The following OTP variants were observed in gnomAD, a reference collection of about 807,000 sequenced individuals.
OTP encodes the protein orthopedia homeobox, also known as homeobox protein orthopedia.
Under a neutral mutation model 22.3 loss-of-function variants are expected in OTP, and 5 were observed. The ratio of observed to expected loss-of-function variants is 0.22; its 90% CI spans 0.12 to 0.47. OTP has a LOEUF of 0.47. Among genes scored for constraint, OTP ranks in the 20% least tolerant of loss-of-function variants. OTP has a pLI of 0.99. For missense variants in OTP, 428 were observed against 456.2 expected, an observed-to-expected ratio of 0.94 and a Z score of 0.56; for synonymous variants, 229 against 210.6, an observed-to-expected ratio of 1.09 and a Z score of -0.76.
chr5:77,638,375 C>A, intron 1 of OTP, 138 bp downstream of exon 1: 1 of 822,580 alleles, frequency 1.2e-6, no homozygotes, highest in South Asian at 1.6e-5. Flanking sequence ...GATGTTAAAT[C>A]AAATTAAACT....
chr5:77,630,128 G>A lies in OTP; in HGVS notation c.*136C>T. 1 of 414,192 alleles carries A rather than the reference G, an allele frequency of 2.4e-6. No homozygotes were observed. Among genetic ancestry groups the A allele is most frequent in the East Asian group, 5.0e-5 (1 of 19,862 alleles). The allele number at this position is 414,192 out of a possible 1,614,324, so 25.7% of individuals were successfully genotyped here. ...TGAGCCCGAGCGAGTGGAGGAGAGA[G>A]GCGAGGACGAAACGAGACGGGGCGA... On this transcript the variant is annotated 3_prime_UTR_variant, in exon 3 of 3. Coordinates refer to ENST00000306422, the MANE Select transcript of OTP (RefSeq NM_032109.3).
At chr5:77,635,648 C>T (rs559787737) in intron 2 of OTP, among the ~76,000 whole-genome samples, 14 of 152,328 alleles carry the variant, frequency 9.2e-5, no homozygotes, top group Non-Finnish European at 1.5e-4. Flanking sequence ...CGGACGTTCT[C>T]ATTGCTTACT....
intron 2 of OTP, among the ~76,000 whole-genome samples, chr5:77,633,993 G>A (rs1465930950): frequency 3.9e-5 from 6 of 151,980 alleles, no homozygotes; most frequent in African/African-American, 1.5e-4. Context: ...TAGAAAACTA[G>A]AAAATACTCT....
In OTP at chr5:77,636,928, C is replaced by T; in HGVS notation, c.340G>A (p.Ala114Thr). 1 of 1,614,202 alleles carries T rather than the reference C, an allele frequency of 6.2e-7. No homozygotes were observed. The highest frequency in any genetic ancestry group is 1.1e-5 in the South Asian group (1 of 91,088). The change falls in exon 2 of 3, where the codon GCA (alanine) becomes ACA (threonine). Residue 114 changes from alanine to threonine, a missense_variant. By Grantham distance (58) the Ala-to-Thr change is moderately conservative. Coordinates refer to ENST00000306422, the MANE Select transcript of OTP (RefSeq NM_032109.3). ...QKRHRTRFTP[A>T]QLNELERSFA... ...CTCCTCTCCAACTCGTTGAGCTGTGCGGGGGTGAAGCGCGTCCGGTGGCGC... is the reference window on the plus strand; with the variant it reads ...CTCCTCTCCAACTCGTTGAGCTGTGTGGGGGTGAAGCGCGTCCGGTGGCGC...
chr5:77,638,460 C>T, intron 1 of OTP, 53 bp downstream of exon 1: 1 of 1,539,108 alleles, frequency 6.5e-7, no homozygotes, highest in East Asian at 2.4e-5. Flanking sequence ...AACAAATTGA[C>T]AATTTCCTGC....
chr5:77,630,193 G>T lies in OTP; in HGVS notation c.*71C>A. 1.9e-6 allele frequency: 2 copies of T among 1,078,696 alleles called. No individual in the cohort carries two copies. The highest frequency in any genetic ancestry group is 2.4e-6 in the Non-Finnish European group (2 of 836,232). The allele number at this position is 1,078,696 out of a possible 1,614,324, so 66.8% of individuals were successfully genotyped here. ...CGGGGCAGGGCGCCGGGGTCCGGGT[G>T]CGCGCCGGAAGGGCCTCGGGGCGGC... On this transcript the variant is annotated 3_prime_UTR_variant, in exon 3 of 3. Transcript: ENST00000306422.
At chr5:77,637,366 G>A in intron 1 of OTP, 136 bp from the exon 2 acceptor site, 2 of 1,051,530 alleles carry the variant, frequency 1.9e-6, no homozygotes, top group East Asian at 2.7e-5. Context: ...AACTCCCAGG[G>A]TATTCAGCTG....
chr5:77,634,194 T>C (rs1435246661), intron 2 of OTP, among the ~76,000 whole-genome samples: 1 of 152,256 alleles, frequency 6.6e-6, no homozygotes, highest in African/African-American at 2.4e-5. Context: ...TGCTAGAGAC[T>C]AATGATTATG....
At chr5:77,635,471 T>C (rs1744992770) in intron 2 of OTP, among the ~76,000 whole-genome samples, 1 of 152,238 alleles carries the variant, frequency 6.6e-6, no homozygotes, top group African/African-American at 2.4e-5. Flanking sequence ...ACTTATATTG[T>C]ATAAAAATGC....
intron 2 of OTP, among the ~76,000 whole-genome samples, chr5:77,631,128 C>T (rs1256792212): frequency 1.3e-5 from 2 of 152,230 alleles, no homozygotes; most frequent in Non-Finnish European, 2.9e-5. Flanking sequence ...ATTCACAGGT[C>T]TGCAGTCAGG....
chr5:77,630,660 G>T lies in OTP; in HGVS notation c.582C>A (p.Ala194=), dbSNP rs750907022. 1 of 1,579,102 alleles carries T rather than the reference G, an allele frequency of 6.3e-7. No homozygotes were observed. The highest frequency in any genetic ancestry group is 1.3e-5 in the African/African-American group (1 of 74,616). The part of the protein sequence containing the change: ...FPSAAAAAAA[A]MGDSLCSFHA... ...GGAAAGAGCACAGGCTGTCGCCCAT[G>T]GCGGCGGCAGCGGCGGCGGCAGCCG... Residue 194 remains alanine (A), a synonymous_variant, in exon 3 of 3, where the codon GCC becomes GCA. Transcript: ENST00000306422.
rs371160532 is a variant in OTP, at chr5:77,636,959, C to T, written c.309G>A (p.Lys103=). 20 of 1,613,994 alleles carry T rather than the reference C, an allele frequency of 1.2e-5. No homozygotes were observed. The highest frequency in any genetic ancestry group is 1.7e-5 in the Non-Finnish European group (20 of 1,179,998). The stretch of plus-strand genomic sequence containing the variant: ...TGAAGCGCGTCCGGTGGCGCTTCTG[C>T]TTCTGTTGGCCCTGCTGCTGGCCGG... The part of the protein sequence containing the change: ...SQAGQQQGQQ[K]QKRHRTRFTP... Residue 103 remains lysine, a synonymous_variant, in exon 2 of 3, where the codon AAG becomes AAA. Coordinates refer to ENST00000306422, the MANE Select transcript of OTP (RefSeq NM_032109.3).
chr5:77,637,144 G>A lies in OTP; in HGVS notation c.124C>T (p.Pro42Ser), dbSNP rs1162310442. 1 of 1,597,720 alleles carries A rather than the reference G, an allele frequency of 6.3e-7. No homozygotes were observed. The highest frequency in any genetic ancestry group is 8.5e-7 in the Non-Finnish European group (1 of 1,172,190). ...TCAGAGTTGGGCGCCAGGTCCCCCGGATGGCCCCCGGGGTCGGAGCCCCCC... is the reference window on the plus strand; with the variant it reads ...TCAGAGTTGGGCGCCAGGTCCCCCGAATGGCCCCCGGGGTCGGAGCCCCCC... ...GVGGSDPGGHPGDLAPNSDPV... is the reference protein window; with the variant it reads ...GVGGSDPGGHSGDLAPNSDPV... The change falls in exon 2 of 3, where the codon CCG becomes TCG. Residue 42 changes from proline (P) to serine (S), a missense_variant. Coordinates refer to ENST00000306422, the MANE Select transcript of OTP (RefSeq NM_032109.3).
intron 2 of OTP, among the ~76,000 whole-genome samples, chr5:77,633,551 G>T (rs1744960766): frequency 6.6e-6 from 1 of 152,110 alleles, no homozygotes; most frequent in South Asian, 2.1e-4. Flanking sequence ...CCCAGCCACG[G>T]GCCAACTTTG....
chr5:77,634,445 A>G (rs1454093683), intron 2 of OTP, among the ~76,000 whole-genome samples: 1 of 152,206 alleles, frequency 6.6e-6, no homozygotes, highest in Non-Finnish European at 1.5e-5. Context: ...AAGATAAAAA[A>G]TAAGTATATT....
Position 77,637,145 on chromosome 5 carries a change from A to T in OTP, c.123T>A (p.His41Gln), listed in dbSNP as rs553012107. The T allele has an allele frequency of 1.3e-6, 2 of 1,597,754 alleles. No homozygotes were observed. Among genetic ancestry groups the T allele is most frequent in the South Asian group, 2.2e-5 (2 of 89,220 alleles). The change falls in exon 2 of 3, where the codon CAT becomes CAA. Residue 41 changes from histidine (H) to glutamine (Q), a missense_variant. Physicochemically the swap from His to Gln is conservative, Grantham distance 24. Transcript: ENST00000306422. ...LGVGGSDPGG[H>Q]PGDLAPNSDP... ...CAGAGTTGGGCGCCAGGTCCCCCGG[A>T]TGGCCCCCGGGGTCGGAGCCCCCCA... is the stretch of plus-strand genomic sequence containing the variant.
chr5:77,636,764 G>A, intron 2 of OTP, 57 bp downstream of exon 2: 1 of 1,537,830 alleles, frequency 6.5e-7, no homozygotes, highest in Non-Finnish European at 8.8e-7. Flanking sequence ...TGCTCCCTTT[G>A]CCCAAATCCT....
Position 77,630,500 on chromosome 5 carries a change from TG to T in OTP, c.741del (p.Asn248ThrfsTer69). ...SQCSLAAGPP[P>X]NSMGLSNSLA... ...AGGCTGTTGGACAGGCCCATGGAGTTGGGCGGCGGACCGGCCGCCAGGCTGC... is the reference window on the plus strand; with the variant it reads ...AGGCTGTTGGACAGGCCCATGGAGTTGGCGGCGGACCGGCCGCCAGGCTGC... On this transcript the variant is annotated frameshift_variant, in exon 3 of 3. Transcript: ENST00000306422. LOFTEE classifies it high-confidence loss of function. 1 of 1,593,282 alleles carries T rather than the reference TG, an allele frequency of 6.3e-7. No homozygotes were observed.
At chr5:77,638,350 T>C (rs1417247046) in intron 1 of OTP, among the ~76,000 whole-genome samples, 163 bp downstream of exon 1, 1 of 151,016 alleles carries the variant, frequency 6.6e-6, no homozygotes, top group African/African-American at 2.4e-5. Flanking sequence ...ATTCCATAGA[T>C]TTTTTTTTAA....
Sources: gnomAD v4.1 joint callset for allele counts (sites outside exome capture counted in the v4.1 genomes callset) on GRCh38, gnomAD v4.1.1 for gene constraint, MANE v1.5 for transcripts, NCBI Gene and HGNC (gene_info 2026-07-23, HGNC 2026-07-21) for gene names.